The following CSMD1 variants were observed in gnomAD, a reference collection of about 807,000 sequenced individuals.
CSMD1 encodes the protein CUB and sushi domain-containing protein 1.
In CSMD1, 213 loss-of-function variants were observed where a neutral mutation model predicts 417.5. That is an observed-to-expected ratio of 0.51 (90% CI 0.46 to 0.57). The LOEUF (loss-of-function observed/expected upper bound fraction) is 0.57, where lower values mean the gene tolerates loss of function less well. Among genes scored for constraint, CSMD1 ranks in the 20% least tolerant of loss-of-function variants. The pLI, the probability that CSMD1 is intolerant of heterozygous loss-of-function variation, is 0.00. For missense variants in CSMD1, 6,923 were observed against 4,529.7 expected (o/e 1.53, Z -15.17); for synonymous variants, 2,862 against 1,736.8 (o/e 1.65, Z -16.11).
intron 3 of CSMD1, among the ~76,000 whole-genome samples, chr8:4,384,945 G>T (rs935848184): frequency 2.6e-5 from 4 of 152,132 alleles, no homozygotes; most frequent in Admixed American, 6.6e-5. Flanking sequence ...TTCACATCAG[G>T]AAATTTCCTC....
At chr8:2,968,430 A>G (rs1019595960) in intron 57 of CSMD1, among the ~76,000 whole-genome samples, 4 of 152,200 alleles carry the variant, frequency 2.6e-5, no homozygotes, top group Non-Finnish European at 5.9e-5. Flanking sequence ...AAGTCAAATA[A>G]CCGATGAAAA....
intron 1 of CSMD1, chr8:4,788,607 T>A (rs1402281132): frequency 1.9e-6 from 2 of 1,037,566 alleles, no homozygotes; most frequent in East Asian, 4.8e-5. Flanking sequence ...CCATTGAAAT[T>A]TTTAGGGGAA....
At chr8:4,574,746 A>C (rs1188809535) in intron 2 of CSMD1, among the ~76,000 whole-genome samples, 1 of 152,228 alleles carries the variant, frequency 6.6e-6, no homozygotes, top group Non-Finnish European at 1.5e-5. Flanking sequence ...CTTTATCATG[A>C]GGTGTACTGA....
intron 6 of CSMD1, among the ~76,000 whole-genome samples, chr8:3,738,339 T>C (rs1015349792): frequency 3.3e-5 from 5 of 152,224 alleles, no homozygotes; most frequent in Non-Finnish European, 7.3e-5. Flanking sequence ...CATCGTACAA[T>C]GCATACAGGC....
chr8:4,711,572 A>AC (rs1164428548), intron 1 of CSMD1, among the ~76,000 whole-genome samples: 3 of 151,784 alleles, frequency 2.0e-5, no homozygotes, highest in Non-Finnish European at 4.4e-5. Context: ...GAGAAATTTG[A>AC]AAAAAAAATA....
At chr8:3,579,940 C>A (rs920407828) in intron 9 of CSMD1, among the ~76,000 whole-genome samples, 2 of 151,980 alleles carry the variant, frequency 1.3e-5, no homozygotes, top group South Asian at 4.2e-4. Context: ...CCTGTCTCTA[C>A]GAAACATACA....
chr8:4,397,011 C>G (rs1452246865), intron 3 of CSMD1, among the ~76,000 whole-genome samples: 1 of 151,354 alleles, frequency 6.6e-6, no homozygotes, highest in Non-Finnish European at 1.5e-5. Context: ...CCATCTGTTC[C>G]CTAAAAATCT....
At chr8:3,039,009 G>A (rs1195467102) in intron 50 of CSMD1, among the ~76,000 whole-genome samples, 4 of 152,102 alleles carry the variant, frequency 2.6e-5, no homozygotes, top group African/African-American at 9.7e-5. Context: ...AGCAGACTAG[G>A]TCAACTCTTG....
chr8:3,582,871 G>C (rs1256826226), intron 9 of CSMD1, among the ~76,000 whole-genome samples: 2 of 152,110 alleles, frequency 1.3e-5, no homozygotes, highest in African/African-American at 4.8e-5. Context: ...CATAGTTTGG[G>C]AAATAAACAC....
At chr8:3,452,300 C>T (rs948331879) in intron 12 of CSMD1, among the ~76,000 whole-genome samples, 2 of 152,154 alleles carry the variant, frequency 1.3e-5, no homozygotes, top group Non-Finnish European at 2.9e-5. Flanking sequence ...TAATTGAATA[C>T]CCTTTATTTC....
chr8:3,772,442 TATATAC>T lies in CSMD1; in HGVS notation c.819-18406_819-18401del, dbSNP rs1798642768. 2.1e-5 allele frequency among the ~76,000 whole-genome samples: 2 copies of T among 96,688 alleles called. 1 individual carries two copies. Among genetic ancestry groups the T allele is most frequent in the Admixed American group, 2.1e-4 (2 of 9,354 alleles). The allele number at this position is 96,688 out of a possible 152,430, so 63.4% of individuals were successfully genotyped here. ...ATATACACATATATACATACATTTA[TATATAC>T]ACATATATATACATATATACACATA... On this transcript the variant is annotated intron_variant, in intron 5 of 69. Transcript: ENST00000635120.
intron 14 of CSMD1, among the ~76,000 whole-genome samples, chr8:3,407,343 T>G (rs968540273): frequency 6.6e-6 from 1 of 150,492 alleles, no homozygotes. Flanking sequence ...GGATGAATGA[T>G]GAATGGATGG....
intron 5 of CSMD1, among the ~76,000 whole-genome samples, chr8:3,827,937 T>A (rs372153677): frequency 3.2e-4 from 48 of 152,192 alleles, no homozygotes; most frequent in African/African-American, 1.1e-3. Flanking sequence ...AAAGAGAAAA[T>A]AAAGTATCTA....
At chr8:3,284,564 T>G (rs3802299) in intron 25 of CSMD1, 1 of 553,368 alleles carries the variant, frequency 1.8e-6, no homozygotes, top group African/African-American at 1.9e-5. Context: ...CAGTCTGTCA[T>G]GGACGCAGAG....
At chr8:4,982,304 T>C (rs1810936646) in intron 1 of CSMD1, among the ~76,000 whole-genome samples, 1 of 152,208 alleles carries the variant, frequency 6.6e-6, no homozygotes, top group African/African-American at 2.4e-5. Context: ...AAATGGGAGA[T>C]TGCTCCCCCA....
chr8:3,978,927 C>G (rs1328738283), intron 5 of CSMD1, among the ~76,000 whole-genome samples: 1 of 152,176 alleles, frequency 6.6e-6, no homozygotes, highest in Non-Finnish European at 1.5e-5. Context: ...TCCTAATGTG[C>G]ATTTCATTGC....
chr8:3,252,780 T>C (rs1395287145), intron 26 of CSMD1, among the ~76,000 whole-genome samples: 2 of 152,200 alleles, frequency 1.3e-5, no homozygotes, highest in East Asian at 1.9e-4. Flanking sequence ...TTCTTCCTCG[T>C]TTAGTCTTGG....
chr8:3,455,131 G>T (rs1044073784), intron 12 of CSMD1, among the ~76,000 whole-genome samples: 1 of 152,114 alleles, frequency 6.6e-6, no homozygotes, highest in Admixed American at 6.6e-5. Flanking sequence ...GCATTCATCA[G>T]GTAGTTCTCC....
intron 5 of CSMD1, among the ~76,000 whole-genome samples, chr8:3,820,968 G>C (rs558235102): frequency 6.6e-6 from 1 of 152,164 alleles, no homozygotes. Flanking sequence ...CCAAGCTGGA[G>C]TGCAATGGTG....
Sources: allele counts gnomAD v4.1 joint callset (sites outside exome capture counted in the v4.1 genomes callset), GRCh38; gene constraint gnomAD v4.1.1; transcripts MANE v1.5; gene names NCBI Gene and HGNC (gene_info 2026-07-23, HGNC 2026-07-21).